Variants in NRXN3 observed in about 807,000 individuals in gnomAD.
The protein encoded by NRXN3 is neurexin 3.
NRXN3 carries 32 observed loss-of-function variants against 137.6 expected under a neutral mutation model. The observed-to-expected ratio is 0.23, with a 90% CI of 0.18 to 0.31. The LOEUF (loss-of-function observed/expected upper bound fraction) is 0.31. NRXN3 is among the 10% of genes least tolerant of loss of function. The pLI is 1.00. For missense variants in NRXN3, 1,574 were observed against 2,062.5 expected (o/e 0.76, Z 4.59); for synonymous variants, 798 against 784.5 (o/e 1.02, Z -0.29).
At chr14:78,714,441 T>G (rs2098422581) in intron 7 of NRXN3, among the ~76,000 whole-genome samples, 1 of 152,190 alleles carries the variant, frequency 6.6e-6, no homozygotes, top group South Asian at 2.1e-4. Flanking sequence ...AGCTGGAATT[T>G]AAATACAGGC....
intron 15 of NRXN3, among the ~76,000 whole-genome samples, chr14:79,295,641 T>C (rs1322757646): frequency 1.3e-5 from 2 of 152,254 alleles, no homozygotes; most frequent in Non-Finnish European, 2.9e-5. Context: ...AGTAAAGGGA[T>C]GGATGAATAA....
At chr14:79,221,454 C>T (rs536042694) in intron 15 of NRXN3, among the ~76,000 whole-genome samples, 6 of 152,180 alleles carry the variant, frequency 3.9e-5, no homozygotes, top group African/African-American at 1.2e-4. Context: ...TTCTAACTGG[C>T]GTGAGATGGT....
chr14:79,505,212 T>C (rs1022195454), intron 16 of NRXN3, among the ~76,000 whole-genome samples: 1 of 126,700 alleles, frequency 7.9e-6, no homozygotes, highest in Non-Finnish European at 1.6e-5. Context: ...TGAAACTCCA[T>C]CTCAAAAAAA....
At chr14:79,643,655 A>C in intron 16 of NRXN3, among the ~76,000 whole-genome samples, 1 of 134,054 alleles carries the variant, frequency 7.5e-6, no homozygotes, top group Non-Finnish European at 1.7e-5. Context: ...ATCCAAACTA[A>C]CCCACTGATT....
At chr14:79,048,323 G>A (rs1232545002) in intron 15 of NRXN3, among the ~76,000 whole-genome samples, 1 of 152,180 alleles carries the variant, frequency 6.6e-6, no homozygotes, top group Admixed American at 6.5e-5. Flanking sequence ...ATTCTGATGG[G>A]AGTGTTGGTT....
chr14:79,379,762 G>A (rs904224764), intron 15 of NRXN3, among the ~76,000 whole-genome samples: 4 of 152,056 alleles, frequency 2.6e-5, no homozygotes, highest in African/African-American at 9.7e-5. Context: ...CTGGCTGTTT[G>A]GCCACTTTCC....
At chr14:79,710,724 G>T (rs989666686) in intron 19 of NRXN3, among the ~76,000 whole-genome samples, 1 of 152,196 alleles carries the variant, frequency 6.6e-6, no homozygotes, top group Non-Finnish European at 1.5e-5. Flanking sequence ...TGAGTGCCTA[G>T]TATGGGCTAA....
intron 10 of NRXN3, among the ~76,000 whole-genome samples, chr14:78,837,423 G>T (rs947695002): frequency 6.6e-6 from 1 of 151,918 alleles, no homozygotes; most frequent in Non-Finnish European, 1.5e-5. Context: ...CCTGGAATTT[G>T]TCAAACAAGT....
At chr14:79,768,976 G>A (rs1028252946) in intron 19 of NRXN3, among the ~76,000 whole-genome samples, 15 of 151,742 alleles carry the variant, frequency 9.9e-5, no homozygotes, top group African/African-American at 2.4e-4. Context: ...CGTGAAGAAC[G>A]CAGAAGCCTC....
At chr14:78,434,808 T>C (rs914585688) in intron 4 of NRXN3, among the ~76,000 whole-genome samples, 1 of 151,732 alleles carries the variant, frequency 6.6e-6, no homozygotes, top group Non-Finnish European at 1.5e-5. Flanking sequence ...GAACAAGAAG[T>C]GAAGAAAATG....
intron 15 of NRXN3, among the ~76,000 whole-genome samples, chr14:79,363,279 C>T (rs570476283): frequency 8.5e-5 from 13 of 152,258 alleles, no homozygotes; most frequent in East Asian, 3.9e-4. Flanking sequence ...GGATTATAGG[C>T]GTGAGCCACT....
At position 79,102,324 on chromosome 14, in the gene NRXN3, A is replaced by G. The variant is rs540001790; in HGVS notation, c.3262+114183A>G. Among the ~76,000 whole-genome samples the G allele has an allele frequency of 3.3e-3, 509 of 152,230 alleles. 3 individuals carry two copies. Among genetic ancestry groups the G allele is most frequent in the Middle Eastern group, 6.8e-3 (2 of 294 alleles). ...CCTAGGACTGGAGAAGATAAAGAAAATGCTACTTCAATTTTATATTTTTCT... is the reference window on the plus strand; with the variant it reads ...CCTAGGACTGGAGAAGATAAAGAAAGTGCTACTTCAATTTTATATTTTTCT... On this transcript the variant is annotated intron_variant, in intron 15 of 20. Transcript: ENST00000335750.
At chr14:79,053,409 G>T (rs932385256) in intron 15 of NRXN3, among the ~76,000 whole-genome samples, 4 of 152,158 alleles carry the variant, frequency 2.6e-5, no homozygotes, top group Admixed American at 6.5e-5. Context: ...TTGATCCAGG[G>T]CTCCCTGGCT....
rs78401754 is a variant in NRXN3, at chr14:79,158,527, T to C, written c.3262+170386T>C. Among the ~76,000 whole-genome samples, 868 of 151,960 alleles carry C rather than the reference T, an allele frequency of 5.7e-3. 41 individuals are homozygous for C. The East Asian group carries it at 0.094, about 16-fold the overall frequency. The stretch of plus-strand genomic sequence containing the variant: ...AATCAAATGTACTTATTTCACCTAC[T>C]TGCTGAATAAGCACCCTTCTTTACT... On this transcript the variant is annotated intron_variant, in intron 15 of 20. Coordinates refer to ENST00000335750, the MANE Select transcript of NRXN3 (RefSeq NM_001330195.2).
intron 17 of NRXN3, among the ~76,000 whole-genome samples, chr14:79,669,978 C>T (rs889800728): frequency 2.6e-5 from 4 of 151,904 alleles, no homozygotes; most frequent in African/African-American, 7.3e-5. Context: ...GACTGACTAC[C>T]GGTACTGTTC....
At chr14:79,805,668 A>G (rs1378124410) in intron 20 of NRXN3, among the ~76,000 whole-genome samples, 1 of 152,202 alleles carries the variant, frequency 6.6e-6, no homozygotes, top group East Asian at 1.9e-4. Context: ...CTGAGCTAAG[A>G]GAACCAAAAA....
chr14:78,178,372 G>T (rs1043882971), intron 1 of NRXN3, among the ~76,000 whole-genome samples: 13 of 152,228 alleles, frequency 8.5e-5, no homozygotes, highest in African/African-American at 3.1e-4. Context: ...TTGTAGCACT[G>T]CTGCTTAGGA....
At chr14:78,816,100 G>A (rs956733150) in intron 10 of NRXN3, among the ~76,000 whole-genome samples, 9 of 152,072 alleles carry the variant, frequency 5.9e-5, no homozygotes, top group East Asian at 1.9e-4. Flanking sequence ...AATATTTATC[G>A]TATCAATAAC....
chr14:78,917,403 CTA>C (rs1231540359), intron 10 of NRXN3, among the ~76,000 whole-genome samples: 8 of 152,130 alleles, frequency 5.3e-5, no homozygotes, highest in Non-Finnish European at 1.2e-4. Flanking sequence ...GCAACAAATC[CTA>C]TGATAGGAGT....
Sources: gnomAD v4.1 joint callset for allele counts (sites outside exome capture counted in the v4.1 genomes callset) on GRCh38, gnomAD v4.1.1 for gene constraint, MANE v1.5 for transcripts, NCBI Gene and HGNC (gene_info 2026-07-23, HGNC 2026-07-21) for gene names.